PUS7: variants seen among roughly 807,000 people sequenced by gnomAD.
PUS7 encodes pseudouridine synthase 7.
A neutral mutation model predicts 79.8 loss-of-function variants in PUS7; 48 were observed. The observed-to-expected ratio is 0.60, with a 90% confidence interval of 0.48 to 0.76. PUS7 has a LOEUF of 0.76. PUS7 is among the 30% of genes least tolerant of loss of function. The pLI is 0.00. For synonymous variants in PUS7, 286 were observed against 272.2 expected, an observed-to-expected ratio of 1.05 and a Z score of -0.50; for missense variants, 729 against 797.6, an observed-to-expected ratio of 0.91 and a Z score of 1.04.
chr7:105,484,757 G>A (rs111283303), intron 7 of PUS7, among the ~76,000 whole-genome samples: 23,104 of 149,284 alleles, frequency 0.15, 1,797 homozygotes, highest in South Asian at 0.18. Context: ...GGCAGAGGTT[G>A]CAGTGAGCTG....
At chr7:105,482,530 A>G in intron 7 of PUS7, 90 bp from the exon 8 acceptor site, 1 of 1,362,846 alleles carries the variant, frequency 7.3e-7, no homozygotes, top group Non-Finnish European at 1.0e-6. Context: ...AGTACAGAAA[A>G]CAAGATACAG....
intron 7 of PUS7, 151 bp from the exon 8 acceptor site, chr7:105,482,591 C>T (rs977465104): frequency 1.1e-5 from 8 of 725,036 alleles, no homozygotes; most frequent in African/African-American, 9.0e-5. Context: ...GTGAGGTGGG[C>T]GTGTCCTTCT....
chr7:105,511,458 A>G lies in PUS7; in HGVS notation c.-32-2914T>C, dbSNP rs545535381. Among the ~76,000 whole-genome samples the G allele has an allele frequency of 4.3e-3, 654 of 150,576 alleles. 4 individuals carry two copies. The highest frequency in any genetic ancestry group is 0.015 in the African/African-American group (627 of 41,180). ...ATTTTCATTTAAAAAAAAAAAAAAA[A>G]AGTGGTTGGGTACTGTGGCTCAGGC... On this transcript the variant is annotated intron_variant, in intron 1 of 15. Coordinates refer to ENST00000469408, the MANE Select transcript of PUS7 (RefSeq NM_019042.5).
chr7:105,467,448 C>T (rs1006358243), intron 12 of PUS7, among the ~76,000 whole-genome samples: 27 of 151,686 alleles, frequency 1.8e-4, no homozygotes, highest in African/African-American at 6.3e-4. Flanking sequence ...TGCCACCACG[C>T]CCGGCTAATT....
At chr7:105,497,555 A>G (rs986731204) in intron 5 of PUS7, among the ~76,000 whole-genome samples, 1 of 152,210 alleles carries the variant, frequency 6.6e-6, no homozygotes, top group African/African-American at 2.4e-5. Flanking sequence ...CAATGTTCTG[A>G]CCTTGTTTTT....
intron 1 of PUS7, among the ~76,000 whole-genome samples, chr7:105,512,943 A>G (rs1725070603): frequency 1.3e-5 from 2 of 152,182 alleles, no homozygotes; most frequent in South Asian, 4.1e-4. Context: ...TGTGGGAGGA[A>G]AGGGGAAATA....
chr7:105,517,162 A>ATTTTTTTTTTTTTTTT (rs1554354019), intron 1 of PUS7, among the ~76,000 whole-genome samples: 2 of 130,108 alleles, frequency 1.5e-5, no homozygotes, highest in Non-Finnish European at 3.6e-5. Context: ...AATCCTTCAC[A>ATTTTTTTTTTTTTTTT]TTTCTTTTTT....
intron 1 of PUS7, 48 bp from the exon 2 acceptor site, chr7:105,508,592 T>C: frequency 6.5e-7 from 1 of 1,536,432 alleles, no homozygotes. Context: ...AAAAGCTGGT[T>C]TCAGGCCGGG....
intron 7 of PUS7, among the ~76,000 whole-genome samples, chr7:105,486,973 T>G (rs563038718): frequency 7.9e-5 from 12 of 152,188 alleles, no homozygotes; most frequent in Non-Finnish European, 1.6e-4. Context: ...GGCAGGAGGA[T>G]TACTTGAACC....
At chr7:105,458,812 C>T (rs1277821340) in intron 15 of PUS7, among the ~76,000 whole-genome samples, 5 of 152,046 alleles carry the variant, frequency 3.3e-5, no homozygotes, top group Admixed American at 6.6e-5. Context: ...CCGCCCGCCT[C>T]GGCCTCCCAA....
chr7:105,469,871 G>A (rs560056365), intron 11 of PUS7, among the ~76,000 whole-genome samples: 3 of 152,348 alleles, frequency 2.0e-5, no homozygotes, highest in South Asian at 2.1e-4. Context: ...GGGATTACAG[G>A]CATGAGCCAC....
chr7:105,466,162 G>GAAAA (rs10569634), intron 12 of PUS7, among the ~76,000 whole-genome samples: 1 of 147,894 alleles, frequency 6.8e-6, no homozygotes. Context: ...TGTCTCAAAG[G>GAAAA]AAAAAAAAAA....
chr7:105,491,660 A>G, intron 6 of PUS7, 43 bp from the exon 7 acceptor site: 5 of 1,124,510 alleles, frequency 4.4e-6, no homozygotes, highest in Non-Finnish European at 6.7e-6. Context: ...ACATACTGTA[A>G]TATTATAAGG....
At chr7:105,487,009 G>A (rs960785549) in intron 7 of PUS7, among the ~76,000 whole-genome samples, 3 of 152,016 alleles carry the variant, frequency 2.0e-5, no homozygotes, top group Admixed American at 6.6e-5. Flanking sequence ...GCAGTGAGCC[G>A]AGATTGTGCC....
At chr7:105,521,842 C>T (rs1826130224) in intron 1 of PUS7, among the ~76,000 whole-genome samples, 1 of 137,440 alleles carries the variant, frequency 7.3e-6, no homozygotes, top group African/African-American at 2.5e-5. Flanking sequence ...GGCGCCTGCA[C>T]CGCCGAAGCG....
chr7:105,500,919 A>G (rs1249334719), intron 5 of PUS7, among the ~76,000 whole-genome samples: 1 of 152,200 alleles, frequency 6.6e-6, no homozygotes, highest in Non-Finnish European at 1.5e-5. Context: ...TGTGGAGTAA[A>G]AAGTAATTCA....
chr7:105,490,295 C>A (rs564738789), intron 7 of PUS7, among the ~76,000 whole-genome samples: 3 of 152,132 alleles, frequency 2.0e-5, no homozygotes, highest in African/African-American at 7.2e-5. Flanking sequence ...GACAATGCAT[C>A]CATCACCCCC....
At chr7:105,502,798 C>A (rs1288352099) in intron 4 of PUS7, among the ~76,000 whole-genome samples, 1 of 152,176 alleles carries the variant, frequency 6.6e-6, no homozygotes, top group Non-Finnish European at 1.5e-5. Context: ...CTCCCGGGTT[C>A]AAGGGATTCT....
At chr7:105,488,585 A>G (rs1015818162) in intron 7 of PUS7, among the ~76,000 whole-genome samples, 3 of 152,246 alleles carry the variant, frequency 2.0e-5, no homozygotes, top group Non-Finnish European at 2.9e-5. Context: ...GGACTGGGTT[A>G]TAACAGCAAG....
Sources: allele counts gnomAD v4.1 joint callset (sites outside exome capture counted in the v4.1 genomes callset), GRCh38; gene constraint gnomAD v4.1.1; transcripts MANE v1.5; gene names NCBI Gene and HGNC (gene_info 2026-07-23, HGNC 2026-07-21).